Variants in TDRD7 observed in about 807,000 individuals in gnomAD.
TDRD7 encodes tudor domain-containing protein 7.
Under a neutral mutation model 109.8 loss-of-function variants are expected in TDRD7, and 47 were observed. That is an observed-to-expected ratio of 0.43 (90% CI 0.34 to 0.55). TDRD7 has a LOEUF of 0.55. TDRD7 is among the 20% of genes least tolerant of loss of function. The pLI, the probability that TDRD7 is intolerant of heterozygous loss-of-function variation, is 0.03. For synonymous variants in TDRD7, 424 were observed against 457.3 expected (o/e 0.93, Z 0.93); for missense variants, 1,164 against 1,319.2 (o/e 0.88, Z 1.82).
At chr9:97,468,712 G>A (rs1418018285) in intron 8 of TDRD7, among the ~76,000 whole-genome samples, 1 of 152,178 alleles carries the variant, frequency 6.6e-6, no homozygotes, top group Non-Finnish European at 1.5e-5. Context: ...TGCCAGTTTG[G>A]CCTGACCCAG....
At position 97,495,673 on chromosome 9, in the gene TDRD7, C is replaced by G. The variant is rs761464845; in HGVS notation, c.3087C>G (p.Cys1029Trp). The G allele has an allele frequency of 6.2e-7, 1 of 1,614,108 alleles. No individual in the cohort carries two copies. Among genetic ancestry groups the G allele is most frequent in the Admixed American group, 1.7e-5 (1 of 60,034 alleles). ...AVTAQLAGVK[C>W]NQWSEEASMV... ...CTCTCTTCCTCCTAGGAGTGAAGTG[C>G]AACCAGTGGTCTGAGGAGGCTTCTA... Residue 1029 changes from cysteine (C) to tryptophan (W), a missense_variant, in exon 17 of 17, where the codon TGC (cysteine) becomes TGG (tryptophan). This residue lies in a region of TDRD7 where 162 missense variants were observed against 222.5 expected (regional missense o/e 0.73). Coordinates refer to ENST00000355295, the MANE Select transcript of TDRD7 (RefSeq NM_014290.3).
intron 5 of TDRD7, among the ~76,000 whole-genome samples, chr9:97,440,952 G>A (rs545895499): frequency 1.6e-4 from 24 of 152,144 alleles, no homozygotes; most frequent in Admixed American, 2.0e-4. Context: ...AAGTAAAAAC[G>A]AAATGCAAAA....
intron 2 of TDRD7, among the ~76,000 whole-genome samples, chr9:97,430,334 A>G (rs1828079505): frequency 6.6e-6 from 1 of 152,044 alleles, no homozygotes; most frequent in Admixed American, 6.6e-5. Flanking sequence ...TCTCCATAGA[A>G]CTCTATGGCT....
chr9:97,428,049 T>C (rs542949895), intron 1 of TDRD7, among the ~76,000 whole-genome samples: 44 of 152,282 alleles, frequency 2.9e-4, no homozygotes, highest in African/African-American at 1.0e-3. Context: ...GCCACCTAAC[T>C]GTCTGGAATT....
Position 97,483,167 on chromosome 9 carries a change from G to A in TDRD7, c.2731G>A (p.Gly911Arg). ...LPPPVHLSKP[G>R]EHMDVYVPVA... is the part of the protein sequence containing the mutation. ...ACCTCCTGTCCACTTATCAAAGCCA[G>A]GGGAACACATGGATGTGTATGTGCC... The change falls in exon 15 of 17, where the codon GGG (glycine) becomes AGG (arginine). Residue 911 changes from glycine (G) to arginine (R), a missense_variant. Gly to Arg is a moderately radical substitution (Grantham distance 125). Around this residue, in one of 5 missense-constraint regions of TDRD7, gnomAD observed 233 missense variants for 218.0 expected, o/e 1.07. Coordinates refer to ENST00000355295, the MANE Select transcript of TDRD7 (RefSeq NM_014290.3). The A allele has an allele frequency of 6.2e-7, 1 of 1,614,192 alleles. No individual in the cohort carries two copies. Among genetic ancestry groups the A allele is most frequent in the Non-Finnish European group, 8.5e-7 (1 of 1,180,034 alleles).
chr9:97,447,680 C>G (rs1373311016), intron 6 of TDRD7, among the ~76,000 whole-genome samples: 1 of 152,160 alleles, frequency 6.6e-6, no homozygotes, highest in Admixed American at 6.5e-5. Flanking sequence ...GGATCCCAGT[C>G]CCCCTACCCT....
chr9:97,491,709 C>T (rs180962780), intron 16 of TDRD7, among the ~76,000 whole-genome samples: 11 of 152,254 alleles, frequency 7.2e-5, no homozygotes, highest in African/African-American at 2.6e-4. Flanking sequence ...TTCCCTTCCC[C>T]CAGGAAGGTT....
intron 7 of TDRD7, among the ~76,000 whole-genome samples, chr9:97,462,484 C>T (rs1828741972): frequency 6.6e-6 from 1 of 152,158 alleles, no homozygotes; most frequent in African/African-American, 2.4e-5. Flanking sequence ...AAACCTCCAC[C>T]AGACTGAACC....
At chr9:97,416,795 G>A (rs1827818969) in intron 1 of TDRD7, among the ~76,000 whole-genome samples, 1 of 151,954 alleles carries the variant, frequency 6.6e-6, no homozygotes, top group African/African-American at 2.4e-5. Context: ...GTGGTAGGTG[G>A]ATGGAGAATT....
At position 97,475,439 on chromosome 9, in the gene TDRD7, C is replaced by T. The variant is rs1189332035; in HGVS notation, c.2136C>T (p.Phe712=). The T allele has an allele frequency of 1.2e-6, 2 of 1,613,602 alleles. No individual in the cohort carries two copies. Among genetic ancestry groups the T allele is most frequent in the Admixed American group, 3.3e-5 (2 of 59,982 alleles). The stretch of plus-strand genomic sequence containing the variant: ...CCTTCTGTGGGAAAATCTGCCTCTT[C>T]CATTGCAAAGGAAAATGGTTACGAG... ...SLPFCGKICL[F]HCKGKWLRVE... The change falls in exon 12 of 17, where the codon TTC becomes TTT. Residue 712 remains phenylalanine (F), a synonymous_variant. Coordinates refer to ENST00000355295, the MANE Select transcript of TDRD7 (RefSeq NM_014290.3).
At chr9:97,476,250 C>G (rs1829016122) in intron 12 of TDRD7, among the ~76,000 whole-genome samples, 1 of 152,160 alleles carries the variant, frequency 6.6e-6, no homozygotes, top group Non-Finnish European at 1.5e-5. Flanking sequence ...GTCTCCTGCC[C>G]AAGACAATTT....
rs1326950931 is a variant in TDRD7, at chr9:97,482,926, C to T, written c.2490C>T (p.Arg830=). The T allele has an allele frequency of 1.9e-6, 3 of 1,614,182 alleles. No individual in the cohort carries two copies. The highest frequency in any genetic ancestry group is 2.5e-6 in the Non-Finnish European group (3 of 1,180,030). ...FTPKNFPDPH[R]SINRQITNAD... is the part of the protein sequence containing the mutation. ...CTAAGAACTTCCCTGACCCTCATCG[C>T]AGTATTAATCGCCAGATTACAAATG... The change falls in exon 15 of 17, where the codon CGC becomes CGT. Residue 830 remains arginine, a synonymous_variant. Transcript: ENST00000355295.
At chr9:97,472,252 T>C (rs1175980537) in intron 9 of TDRD7, 41 bp from the exon 10 acceptor site, 1 of 1,558,860 alleles carries the variant, frequency 6.4e-7, no homozygotes, top group Non-Finnish European at 8.8e-7. Context: ...TGAAATGATT[T>C]TTCTAATTAA....
intron 15 of TDRD7, among the ~76,000 whole-genome samples, chr9:97,486,586 G>C (rs1829215222): frequency 6.6e-6 from 1 of 151,936 alleles, no homozygotes; most frequent in Non-Finnish European, 1.5e-5. Context: ...AAACTGATTT[G>C]ATCTGTCCCC....
At chr9:97,482,790 G>A in intron 14 of TDRD7, 59 bp from the exon 15 acceptor site, 1 of 1,573,674 alleles carries the variant, frequency 6.4e-7, no homozygotes, top group Non-Finnish European at 8.7e-7. Context: ...TACTATAACT[G>A]CCTCTCAAAA....
chr9:97,451,844 A>G (rs963719590), intron 6 of TDRD7, among the ~76,000 whole-genome samples: 2 of 152,102 alleles, frequency 1.3e-5, no homozygotes, highest in Non-Finnish European at 2.9e-5. Context: ...CTGATATCCA[A>G]TGCAGAATTA....
At chr9:97,449,209 G>A (rs1261856656) in intron 6 of TDRD7, among the ~76,000 whole-genome samples, 1 of 152,156 alleles carries the variant, frequency 6.6e-6, no homozygotes, top group Non-Finnish European at 1.5e-5. Context: ...AATCAACACA[G>A]AAGGCTTCTG....
At chr9:97,464,263 CGTT>C (rs1474057159) in intron 7 of TDRD7, among the ~76,000 whole-genome samples, 2 of 152,188 alleles carry the variant, frequency 1.3e-5, no homozygotes, top group Non-Finnish European at 2.9e-5. Flanking sequence ...TATGCCCTCT[CGTT>C]GTCTGGATTG....
Position 97,487,184 on chromosome 9 carries a change from G to A in TDRD7, c.2928G>A (p.Val976=), listed in dbSNP as rs767141527. Residue 976 remains valine (V), a synonymous_variant, in exon 16 of 17, where the codon GTG becomes GTA. Coordinates refer to ENST00000355295, the MANE Select transcript of TDRD7 (RefSeq NM_014290.3). The part of the protein sequence containing the change: ...AAKVENKWHR[V]LLKGILTNGL... ...AATGTACATCTAGGTGGCACAGGGT[G>A]CTTTTAAAAGGAATCCTGACCAATG... 5 of 1,613,950 alleles carry A rather than the reference G, an allele frequency of 3.1e-6. No individual in the cohort carries two copies. The highest frequency in any genetic ancestry group is 2.2e-5 in the South Asian group (2 of 91,078).
Sources: allele counts gnomAD v4.1 joint callset (sites outside exome capture counted in the v4.1 genomes callset), GRCh38; gene constraint gnomAD v4.1.1; regional missense constraint gnomAD v4.1.1; transcripts MANE v1.5; gene names NCBI Gene and HGNC (gene_info 2026-07-23, HGNC 2026-07-21).